Variants in KHDRBS3 observed in about 807,000 individuals in gnomAD.
KHDRBS3 encodes the protein KH domain-containing, RNA-binding, signal transduction-associated protein 3.
KHDRBS3 carries 23 observed loss-of-function variants against 45.6 expected under a neutral mutation model. That is an observed-to-expected ratio of 0.50 (90% CI 0.36 to 0.72). The LOEUF is 0.72. Ranked by LOEUF, KHDRBS3 falls within the 30% of genes least tolerant of loss-of-function variation. The pLI is 0.00. For synonymous variants in KHDRBS3, 162 were observed against 156.5 expected (o/e 1.04, Z -0.26); for missense variants, 352 against 424.8 (o/e 0.83, Z 1.51).
intron 7 of KHDRBS3, among the ~76,000 whole-genome samples, chr8:135,619,803 T>G (rs1263067077): frequency 6.6e-6 from 1 of 152,218 alleles, no homozygotes; most frequent in African/African-American, 2.4e-5. Context: ...GAGCCCTGCA[T>G]GTGCTTCTCC....
At chr8:135,561,223 A>T (rs1355086533) in intron 5 of KHDRBS3, among the ~76,000 whole-genome samples, 1 of 152,174 alleles carries the variant, frequency 6.6e-6, no homozygotes, top group Non-Finnish European at 1.5e-5. Flanking sequence ...AATCATTATT[A>T]CCTTCAAGTC....
chr8:135,515,191 G>C (rs1051962098), intron 1 of KHDRBS3, among the ~76,000 whole-genome samples: 6 of 151,118 alleles, frequency 4.0e-5, no homozygotes, highest in Non-Finnish European at 7.4e-5. Flanking sequence ...ACGGTGAAAC[G>C]CCGTCTCTAC....
chr8:135,547,457 T>A (rs1248406173), intron 3 of KHDRBS3, among the ~76,000 whole-genome samples: 1 of 152,170 alleles, frequency 6.6e-6, no homozygotes. Flanking sequence ...AAATTAAGTA[T>A]TGGATTACAT....
intron 7 of KHDRBS3, among the ~76,000 whole-genome samples, chr8:135,628,964 ATT>A (rs1830483901): frequency 6.6e-6 from 1 of 152,196 alleles, no homozygotes; most frequent in African/African-American, 2.4e-5. Context: ...AGAGATAATC[ATT>A]TCTCTCAGAT....
intron 1 of KHDRBS3, among the ~76,000 whole-genome samples, chr8:135,490,201 C>A (rs1008368975): frequency 1.3e-5 from 2 of 152,166 alleles, no homozygotes; most frequent in Non-Finnish European, 2.9e-5. Flanking sequence ...ATGCATTTCT[C>A]AGGACAGATC....
chr8:135,537,060 C>T (rs1029490032), intron 2 of KHDRBS3, among the ~76,000 whole-genome samples: 8 of 145,828 alleles, frequency 5.5e-5, no homozygotes, highest in African/African-American at 1.3e-4. Context: ...ATGTATTAAA[C>T]GCCCTCTCTA....
At chr8:135,496,342 T>C (rs1046720059) in intron 1 of KHDRBS3, among the ~76,000 whole-genome samples, 2 of 151,792 alleles carry the variant, frequency 1.3e-5, no homozygotes, top group Non-Finnish European at 2.9e-5. Flanking sequence ...AAGCAATTCT[T>C]CTGCCTCGAC....
intron 6 of KHDRBS3, among the ~76,000 whole-genome samples, chr8:135,596,047 G>A (rs1828958768): frequency 6.6e-6 from 1 of 152,122 alleles, no homozygotes; most frequent in African/African-American, 2.4e-5. Context: ...TGGGCCAACA[G>A]CTTGGGGGAA....
rs1487830950 is a variant in KHDRBS3, at chr8:135,548,835, C to T, written c.406C>T (p.Pro136Ser). The change falls in exon 4 of 9, where the codon CCA becomes TCA. Residue 136 changes from proline to serine, a missense_variant. By Grantham distance (74) the Pro-to-Ser change is moderately conservative (BLOSUM62 -1). Transcript: ENST00000355849. ...CCATGTTCTCATTGAAGTGTTTGCC[C>T]CACCTGCAGAAGCTTATGCCAGGAT... ...DLHVLIEVFAPPAEAYARMGH... is the reference protein window; with the variant it reads ...DLHVLIEVFASPAEAYARMGH... 2 of 1,604,848 alleles carry T rather than the reference C, an allele frequency of 1.2e-6. No homozygotes were observed. Among genetic ancestry groups the T allele is most frequent in the Admixed American group, 3.4e-5 (2 of 59,232 alleles).
intron 1 of KHDRBS3, chr8:135,458,878 T>G (rs1447609985): frequency 1.5e-5 from 7 of 456,196 alleles, no homozygotes; most frequent in Non-Finnish European, 3.1e-5. Context: ...TTTTTCCTCC[T>G]GTGGCTTCCT....
intron 6 of KHDRBS3, among the ~76,000 whole-genome samples, chr8:135,600,148 C>A (rs1300252185): frequency 6.6e-6 from 1 of 152,202 alleles, no homozygotes; most frequent in Non-Finnish European, 1.5e-5. Context: ...GGAATTTGTT[C>A]TTTATCTTGT....
intron 6 of KHDRBS3, among the ~76,000 whole-genome samples, chr8:135,605,320 T>C (rs1371920460): frequency 2.0e-5 from 3 of 152,116 alleles, no homozygotes; most frequent in Non-Finnish European, 2.9e-5. Context: ...ACTCTGTTCA[T>C]TCATCTTTTT....
chr8:135,523,807 G>A (rs972653271), intron 2 of KHDRBS3, among the ~76,000 whole-genome samples: 11 of 151,944 alleles, frequency 7.2e-5, no homozygotes. Flanking sequence ...TCTGATCCTC[G>A]GTGGTAAATT....
At chr8:135,487,076 A>G (rs866652288) in intron 1 of KHDRBS3, among the ~76,000 whole-genome samples, 13 of 152,124 alleles carry the variant, frequency 8.5e-5, no homozygotes, top group South Asian at 2.1e-4. Context: ...TCAGCATTCT[A>G]TATCTTTTAA....
chr8:135,490,526 G>A (rs1586598512), intron 1 of KHDRBS3, among the ~76,000 whole-genome samples: 2 of 152,142 alleles, frequency 1.3e-5, no homozygotes, highest in Non-Finnish European at 2.9e-5. Context: ...TTAAAACTCA[G>A]TAGGGACTAA....
intron 5 of KHDRBS3, among the ~76,000 whole-genome samples, chr8:135,563,417 GC>G (rs1827257386): frequency 6.6e-6 from 1 of 152,194 alleles, no homozygotes; most frequent in African/African-American, 2.4e-5. Context: ...GGTCAGAGAA[GC>G]CCTTGCCGAG....
At chr8:135,490,740 A>AT (rs958109463) in intron 1 of KHDRBS3, among the ~76,000 whole-genome samples, 6 of 152,138 alleles carry the variant, frequency 3.9e-5, no homozygotes, top group African/African-American at 1.4e-4. Flanking sequence ...CCAATTTCTG[A>AT]TTTTTTATGA....
chr8:135,656,379 G>A (rs1422143971), exon 5 of KHDRBS3: 1 of 152,282 alleles, frequency 6.6e-6, no homozygotes, highest in African/African-American at 2.4e-5. Flanking sequence ...TATATGGTAT[G>A]CTTTTAATTT....
chr8:135,562,823 A>G (rs1827232890), intron 5 of KHDRBS3, among the ~76,000 whole-genome samples: 1 of 152,214 alleles, frequency 6.6e-6, no homozygotes, highest in Admixed American at 6.5e-5. Context: ...CAGTCACAAT[A>G]CATACAAAAG....
Sources: allele counts gnomAD v4.1 joint callset (sites outside exome capture counted in the v4.1 genomes callset), GRCh38; gene constraint gnomAD v4.1.1; transcripts MANE v1.5; gene names NCBI Gene and HGNC (gene_info 2026-07-23, HGNC 2026-07-21).